The following LTBP1 variants were observed in gnomAD, a reference collection of about 807,000 sequenced individuals.
LTBP1 encodes the protein latent-transforming growth factor beta-binding protein 1.
In LTBP1, 129 loss-of-function variants were observed where a neutral mutation model predicts 207.6. The observed-to-expected ratio is 0.62, with a 90% CI of 0.54 to 0.72. The LOEUF (loss-of-function observed/expected upper bound fraction) is 0.72. Among genes scored for constraint, LTBP1 ranks in the 30% least tolerant of loss-of-function variants. The pLI is 0.00. For missense variants in LTBP1, 2,281 were observed against 2,217.2 expected, an observed-to-expected ratio of 1.03 and a Z score of -0.58; for synonymous variants, 963 against 833.7, an observed-to-expected ratio of 1.16 and a Z score of -2.67.
At chr2:33,372,143 T>G (rs2095076265) in intron 31 of LTBP1, among the ~76,000 whole-genome samples, 1 of 152,218 alleles carries the variant, frequency 6.6e-6, no homozygotes, top group Non-Finnish European at 1.5e-5. Flanking sequence ...CACAGCAAGC[T>G]TAAGATGCCT....
chr2:33,079,354 T>A (rs1370253068), intron 3 of LTBP1, among the ~76,000 whole-genome samples: 1 of 152,170 alleles, frequency 6.6e-6, no homozygotes, highest in Non-Finnish European at 1.5e-5. Flanking sequence ...TGGAAGAAGC[T>A]TTCTGGATGT....
intron 31 of LTBP1, among the ~76,000 whole-genome samples, chr2:33,383,012 A>G (rs1167032334): frequency 6.6e-6 from 1 of 152,168 alleles, no homozygotes; most frequent in Non-Finnish European, 1.5e-5. Flanking sequence ...TGTTCTGTAA[A>G]TGGCCACCGT....
chr2:33,230,273 G>GA (rs2091709073), intron 9 of LTBP1, among the ~76,000 whole-genome samples: 1 of 152,124 alleles, frequency 6.6e-6, no homozygotes, highest in African/African-American at 2.4e-5. Flanking sequence ...CTAATGTCCT[G>GA]AAACAACTTT....
chr2:33,300,561 G>T lies in LTBP1; in HGVS notation c.3346G>T (p.Asp1116Tyr). 1 of 1,613,316 alleles carries T rather than the reference G, an allele frequency of 6.2e-7. No homozygotes were observed. The highest frequency in any genetic ancestry group is 1.1e-5 in the South Asian group (1 of 90,988). Reference protein sequence around the residue: ...GQGYQLSAAKDQCEDIDECQH... With the variant: ...GQGYQLSAAKYQCEDIDECQH... ...GGGGTACCAGCTGTCGGCAGCTAAA[G>T]ACCAGTGTGAAGGTAAGAGGGTAGT... Residue 1116 changes from aspartate to tyrosine, a missense_variant, in exon 21 of 34, where the codon GAC (aspartate) becomes TAC (tyrosine). By Grantham distance (160) the Asp-to-Tyr change is radical (BLOSUM62 -3). Around this residue, in one of 3 missense-constraint regions of LTBP1, gnomAD observed 1,671 missense variants for 1,634.8 expected, o/e 1.02. Coordinates refer to ENST00000404816, the MANE Select transcript of LTBP1 (RefSeq NM_206943.4).
intron 31 of LTBP1, among the ~76,000 whole-genome samples, chr2:33,380,247 T>G (rs147805625): frequency 6.6e-6 from 1 of 152,014 alleles, no homozygotes; most frequent in Admixed American, 6.5e-5. Flanking sequence ...AAAGACAAAT[T>G]GTCTTTCCAA....
In LTBP1 at chr2:33,202,082, T is replaced by C. The variant is rs151304306; in HGVS notation, c.1701+13231T>C. 4.9e-3 allele frequency among the ~76,000 whole-genome samples: 676 copies of C among 138,240 alleles called. 5 individuals carry two copies. The highest frequency in any genetic ancestry group is 0.019 in the African/African-American group (642 of 34,192). The allele number at this position is 138,240 out of a possible 152,430, so 90.7% of individuals were successfully genotyped here. On this transcript the variant is annotated intron_variant, in intron 7 of 33. Transcript: ENST00000404816. ...ACACAGAGCATTCTAAAGGGCCAAA[T>C]AGATATACTTAGCTTTTGTTTAAAA...
intron 5 of LTBP1, among the ~76,000 whole-genome samples, chr2:33,179,304 C>A (rs1275328151): frequency 6.6e-6 from 1 of 151,978 alleles, no homozygotes; most frequent in African/African-American, 2.4e-5. Flanking sequence ...GATTGGAAAC[C>A]CCTCATCTAG....
chr2:33,159,843 T>C (rs192151396), intron 5 of LTBP1, among the ~76,000 whole-genome samples: 1 of 152,334 alleles, frequency 6.6e-6, no homozygotes, highest in African/African-American at 2.4e-5. Flanking sequence ...TATTTCCATG[T>C]ACCGATTAGA....
chr2:33,315,373 C>T (rs868183640), intron 24 of LTBP1, 104 bp downstream of exon 24: 2 of 1,418,902 alleles, frequency 1.4e-6, no homozygotes, highest in Non-Finnish European at 1.9e-6. Flanking sequence ...CTGCATAATT[C>T]AGAGCCTCAA....
intron 3 of LTBP1, among the ~76,000 whole-genome samples, chr2:33,103,196 G>A (rs1276419061): frequency 6.6e-6 from 1 of 151,902 alleles, no homozygotes; most frequent in African/African-American, 2.4e-5. Flanking sequence ...TGCACTGTCT[G>A]TATGCAGTCT....
Position 33,275,842 on chromosome 2 carries a change from C to G in LTBP1, c.2911C>G (p.His971Asp). ...CLRPDVCGEG[H>D]CVNTVGAFRC... ...GAGGCCGGACGTCTGTGGGGAGGGG[C>G]ACTGTGTCAATACTGTGGGGGCCTT... The change falls in exon 18 of 34, where the codon CAC becomes GAC. Residue 971 changes from histidine (H) to aspartate (D), a missense_variant. By Grantham distance (81) the His-to-Asp change is moderately conservative. Around this residue, in one of 3 missense-constraint regions of LTBP1, gnomAD observed 1,671 missense variants for 1,634.8 expected, o/e 1.02. Transcript: ENST00000404816. The G allele has an allele frequency of 6.2e-7, 1 of 1,613,880 alleles. No homozygotes were observed. The highest frequency in any genetic ancestry group is 8.5e-7 in the Non-Finnish European group (1 of 1,179,870).
intron 5 of LTBP1, among the ~76,000 whole-genome samples, chr2:33,156,848 T>C (rs1480553582): frequency 6.6e-6 from 1 of 152,212 alleles, no homozygotes; most frequent in African/African-American, 2.4e-5. Flanking sequence ...TATTTTTATG[T>C]CATTTAGCTA....
At chr2:33,193,019 A>G (rs2088089760) in intron 7 of LTBP1, among the ~76,000 whole-genome samples, 1 of 152,230 alleles carries the variant, frequency 6.6e-6, no homozygotes, top group Non-Finnish European at 1.5e-5. Flanking sequence ...TAAGTTTCTA[A>G]CACATGAACT....
At chr2:33,287,370 G>T (rs2093687006) in intron 19 of LTBP1, among the ~76,000 whole-genome samples, 1 of 152,112 alleles carries the variant, frequency 6.6e-6, no homozygotes, top group South Asian at 2.1e-4. Context: ...GTTTTGTTCT[G>T]TACAATGTCT....
chr2:33,226,175 C>CT (rs1335349837), intron 9 of LTBP1, among the ~76,000 whole-genome samples: 1 of 152,120 alleles, frequency 6.6e-6, no homozygotes, highest in African/African-American at 2.4e-5. Context: ...AAATTGCCTG[C>CT]TACGATTATG....
chr2:32,976,546 T>C (rs1681814129), intron 2 of LTBP1, among the ~76,000 whole-genome samples: 1 of 152,200 alleles, frequency 6.6e-6, no homozygotes, highest in East Asian at 1.9e-4. Context: ...ACTGCAAAGC[T>C]TTTTTGTTTT....
intron 18 of LTBP1, 116 bp downstream of exon 18, chr2:33,276,039 T>C (rs2093419880): frequency 7.8e-7 from 1 of 1,288,048 alleles, no homozygotes; most frequent in African/African-American, 1.5e-5. Context: ...TTATCCAAGC[T>C]CTTTCTGCTT....
At position 33,134,363 on chromosome 2, in the gene LTBP1, A is replaced by C; in HGVS notation, c.1034-430A>C. 1 of 468,910 alleles carries C rather than the reference A, an allele frequency of 2.1e-6. No individual in the cohort carries two copies. The highest frequency in any genetic ancestry group is 4.4e-6 in the Non-Finnish European group (1 of 228,978). The allele number at this position is 468,910 out of a possible 1,614,324, so 29.0% of individuals were successfully genotyped here. On this transcript the variant is annotated intron_variant, in intron 4 of 33. Coordinates refer to ENST00000404816, the MANE Select transcript of LTBP1 (RefSeq NM_206943.4). The surrounding 1 kb of genome is among the most constrained non-coding windows in gnomAD (Gnocchi z 4.4). ...AAGTGGAGAAACAGGGAAAGTATGC[A>C]AGTTGAGGACACAAGAGTTTATTCA...
chr2:33,262,911 T>G (rs1179174800), intron 14 of LTBP1, 90 bp downstream of exon 14: 3 of 788,888 alleles, frequency 3.8e-6, no homozygotes, highest in Non-Finnish European at 6.3e-6. Context: ...GTGTAGTAAA[T>G]TACTAGACTT....
Sources: allele counts gnomAD v4.1 joint callset (sites outside exome capture counted in the v4.1 genomes callset), GRCh38; gene constraint gnomAD v4.1.1; regional missense constraint gnomAD v4.1.1; non-coding constraint Gnocchi (gnomAD v3.1); transcripts MANE v1.5; gene names NCBI Gene and HGNC (gene_info 2026-07-23, HGNC 2026-07-21).